Variants in TRDN observed in about 807,000 individuals in gnomAD.
TRDN encodes triadin in skeletal muscle.
Under a neutral mutation model 149.7 loss-of-function variants are expected in TRDN, and 161 were observed. The ratio of observed to expected loss-of-function variants is 1.08; its 90% confidence interval spans 0.95 to 1.23. The LOEUF (loss-of-function observed/expected upper bound fraction) is 1.23, where lower values mean the gene tolerates loss of function less well. TRDN is among the 50% of genes most tolerant of loss of function. The probability of loss-of-function intolerance (pLI) is 0.00; values close to 1 mark genes in which losing one functional copy is unlikely to be tolerated. For synonymous variants in TRDN, 294 were observed against 250.5 expected (o/e 1.17, Z -1.64); for missense variants, 896 against 823.5 (o/e 1.09, Z -1.08).
chr6:123,587,207 C>A (rs1482344125), intron 1 of TRDN, among the ~76,000 whole-genome samples: 1 of 152,148 alleles, frequency 6.6e-6, no homozygotes, highest in Non-Finnish European at 1.5e-5. Flanking sequence ...CGTGGTCTGA[C>A]ACCTCTGAAA....
At chr6:123,512,866 C>T (rs1201037365) in intron 6 of TRDN, among the ~76,000 whole-genome samples, 1 of 152,006 alleles carries the variant, frequency 6.6e-6, no homozygotes, top group Non-Finnish European at 1.5e-5. Flanking sequence ...AAAGTGTATG[C>T]ACTGATTTGT....
At chr6:123,582,176 G>A (rs1783153650) in intron 1 of TRDN, among the ~76,000 whole-genome samples, 1 of 152,144 alleles carries the variant, frequency 6.6e-6, no homozygotes, top group African/African-American at 2.4e-5. Flanking sequence ...AACTCGAAAT[G>A]GGGGGCATTT....
At chr6:123,235,783 T>C (rs1452881560) in intron 38 of TRDN, among the ~76,000 whole-genome samples, 1 of 152,160 alleles carries the variant, frequency 6.6e-6, no homozygotes, top group African/African-American at 2.4e-5. Context: ...AAGAATCTCA[T>C]ATGCATGAAA....
chr6:123,366,870 G>A (rs1416984704), intron 19 of TRDN, among the ~76,000 whole-genome samples: 1 of 152,096 alleles, frequency 6.6e-6, no homozygotes, highest in Admixed American at 6.6e-5. Context: ...GCATTTAAAA[G>A]GGCTTCTTTG....
chr6:123,352,657 T>C, intron 20 of TRDN, 71 bp from the exon 21 acceptor site: 1 of 1,533,144 alleles, frequency 6.5e-7, no homozygotes, highest in Non-Finnish European at 8.7e-7. Context: ...AAAAAGCATT[T>C]TGGAGTTCTT....
At chr6:123,482,977 T>C (rs979287630) in intron 9 of TRDN, among the ~76,000 whole-genome samples, 1 of 151,860 alleles carries the variant, frequency 6.6e-6, no homozygotes, top group Non-Finnish European at 1.5e-5. Flanking sequence ...CAAGTATGAA[T>C]GGTCTAATTT....
intron 12 of TRDN, among the ~76,000 whole-genome samples, chr6:123,396,206 T>C (rs920917219): frequency 1.3e-5 from 2 of 152,192 alleles, no homozygotes; most frequent in Non-Finnish European, 2.9e-5. Context: ...TTATAAATAA[T>C]TTTTCTGTCT....
chr6:123,612,722 A>C (rs1784882583), intron 1 of TRDN, among the ~76,000 whole-genome samples: 1 of 152,184 alleles, frequency 6.6e-6, no homozygotes, highest in African/African-American at 2.4e-5. Context: ...TCTTGACATA[A>C]GTATGGTTAG....
At chr6:123,616,250 T>A (rs1785077273) in intron 1 of TRDN, among the ~76,000 whole-genome samples, 1 of 152,054 alleles carries the variant, frequency 6.6e-6, no homozygotes, top group East Asian at 1.9e-4. Flanking sequence ...AAGGATCCCT[T>A]GAGCCCAGGA....
chr6:123,630,814 T>TA (rs1380324409), intron 1 of TRDN, among the ~76,000 whole-genome samples: 6 of 152,028 alleles, frequency 3.9e-5, no homozygotes, highest in Non-Finnish European at 7.4e-5. Context: ...TTGAACAATT[T>TA]AAAAAACATA....
In TRDN at chr6:123,395,871, A is replaced by G. The variant is rs929920032; in HGVS notation, c.1052-2194T>C. Among the ~76,000 whole-genome samples the G allele has an allele frequency of 3.3e-5, 5 of 152,168 alleles. No individual in the cohort carries two copies. The East Asian group carries it at 5.8e-4, about 18-fold the overall frequency. ...TGCAATTGCAGTTGCACGAACCTCA[A>G]TTGCGTTTTCACCCGTCTAAAATAT... On this transcript the variant is annotated intron_variant, in intron 12 of 40. Transcript: ENST00000334268.
chr6:123,571,248 C>A (rs1052650145), intron 1 of TRDN, 116 bp from the exon 2 acceptor site: 14 of 1,079,640 alleles, frequency 1.3e-5, no homozygotes, highest in Non-Finnish European at 1.9e-5. Flanking sequence ...TAGAGCAGCA[C>A]AACTCCTTAG....
chr6:123,243,402 T>C (rs904269768), intron 38 of TRDN, among the ~76,000 whole-genome samples: 1 of 151,886 alleles, frequency 6.6e-6, no homozygotes, highest in Non-Finnish European at 1.5e-5. Flanking sequence ...TACAAAGAAA[T>C]ACAATAATTG....
chr6:123,551,464 A>G (rs547825605), intron 2 of TRDN, among the ~76,000 whole-genome samples: 148 of 151,806 alleles, frequency 9.7e-4, no homozygotes, highest in African/African-American at 3.4e-3. Flanking sequence ...CAATGGAAAA[A>G]ATATTATTCA....
chr6:123,584,575 G>T (rs959858197), intron 1 of TRDN, among the ~76,000 whole-genome samples: 1 of 152,002 alleles, frequency 6.6e-6, no homozygotes, highest in Admixed American at 6.6e-5. Flanking sequence ...ACGCACGTGT[G>T]TTTTTATGAG....
chr6:123,300,049 C>A (rs950372751), intron 24 of TRDN, among the ~76,000 whole-genome samples: 1 of 151,764 alleles, frequency 6.6e-6, no homozygotes, highest in African/African-American at 2.4e-5. Flanking sequence ...CCAAGTTTTT[C>A]TTTTAATTTA....
chr6:123,546,632 G>A (rs1390160029), intron 4 of TRDN, among the ~76,000 whole-genome samples: 1 of 152,014 alleles, frequency 6.6e-6, no homozygotes, highest in Non-Finnish European at 1.5e-5. Flanking sequence ...GCTCCCCAGT[G>A]CCCCTTCCAG....
At chr6:123,478,326 A>T (rs1375970339) in intron 9 of TRDN, among the ~76,000 whole-genome samples, 1 of 152,188 alleles carries the variant, frequency 6.6e-6, no homozygotes, top group Non-Finnish European at 1.5e-5. Flanking sequence ...TATATCCCAC[A>T]GAAGAGGCCC....
intron 38 of TRDN, among the ~76,000 whole-genome samples, chr6:123,244,919 T>G (rs936048388): frequency 1.3e-5 from 2 of 151,970 alleles, no homozygotes; most frequent in African/African-American, 4.8e-5. Context: ...CTATAAGCCA[T>G]AAGAGAGTGG....
Sources: gnomAD v4.1 joint callset for allele counts (sites outside exome capture counted in the v4.1 genomes callset) on GRCh38, gnomAD v4.1.1 for gene constraint, MANE v1.5 for transcripts, NCBI Gene and HGNC (gene_info 2026-07-23, HGNC 2026-07-21) for gene names.